The following CRIM1 variants were observed in gnomAD, a reference collection of about 807,000 sequenced individuals.
The protein encoded by CRIM1 is cysteine-rich motor neuron 1 protein.
In CRIM1, 32 loss-of-function variants were observed where a neutral mutation model predicts 116.4. The ratio of observed to expected loss-of-function variants is 0.27; its 90% CI spans 0.21 to 0.37. The LOEUF is 0.37. CRIM1 is among the 10% of genes least tolerant of loss of function. CRIM1 has a pLI of 1.00. For synonymous variants in CRIM1, 590 were observed against 509.2 expected, an observed-to-expected ratio of 1.16 and a Z score of -2.13; for missense variants, 1,331 against 1,354.8, an observed-to-expected ratio of 0.98 and a Z score of 0.28.
In CRIM1 at chr2:36,517,389, G is replaced by A. The variant is rs765796816; in HGVS notation, c.2053G>A (p.Glu685Lys). 1 of 1,614,226 alleles carries A rather than the reference G, an allele frequency of 6.2e-7. No individual in the cohort carries two copies. Among genetic ancestry groups the A allele is most frequent in the Admixed American group, 1.7e-5 (1 of 60,030 alleles). The change falls in exon 12 of 17, where the codon GAA becomes AAA. Residue 685 changes from glutamate to lysine, a missense_variant. Coordinates refer to ENST00000280527, the MANE Select transcript of CRIM1 (RefSeq NM_016441.3). ...CTCCATTTGCCACGCCCCTGGAGGA[G>A]AATACTTTGTGGAAGGAGAAACGTG... ...TPSICHAPGG[E>K]YFVEGETWNI...
chr2:36,380,185 G>A (rs942813055), intron 1 of CRIM1, among the ~76,000 whole-genome samples: 2 of 152,206 alleles, frequency 1.3e-5, no homozygotes, highest in Non-Finnish European at 2.9e-5. Context: ...CAGAGTGCCA[G>A]GCCAGCTCTG....
chr2:36,534,513 AGGGATAGGGAAGGGAGGGAGAGG>A (rs1402085895), intron 13 of CRIM1, among the ~76,000 whole-genome samples: 1 of 113,882 alleles, frequency 8.8e-6, no homozygotes, highest in East Asian at 3.0e-4. Flanking sequence ...GGAGGGAGAG[AGGGATAGGGAAGGGAGGGAGAGG>A]AAGGAAGGGA....
chr2:36,533,425 CAA>C lies in CRIM1; in HGVS notation c.2429-3910_2429-3909del, dbSNP rs35978594. Among the ~76,000 whole-genome samples, 657 of 99,378 alleles carry C rather than the reference CAA, an allele frequency of 6.6e-3. 1 individual carries two copies. Among genetic ancestry groups the C allele is most frequent in the Middle Eastern group, 9.9e-3 (2 of 202 alleles). The allele number at this position is 99,378 out of a possible 152,430, so 65.2% of individuals were successfully genotyped here. On this transcript the variant is annotated intron_variant, in intron 13 of 16. Coordinates refer to ENST00000280527, the MANE Select transcript of CRIM1 (RefSeq NM_016441.3). ...CCAACACAATGAGACCCCATCTCCA[CAA>C]AAAAAAAAAAAAAAAACCCTAAAAA...
intron 1 of CRIM1, among the ~76,000 whole-genome samples, chr2:36,358,213 C>T (rs1444666087): frequency 2.0e-5 from 3 of 152,140 alleles, no homozygotes. Flanking sequence ...TATGCCTTAC[C>T]TCAAGAAAAA....
chr2:36,429,592 G>GA (rs1306499647), intron 2 of CRIM1, among the ~76,000 whole-genome samples: 1 of 152,216 alleles, frequency 6.6e-6, no homozygotes, highest in Non-Finnish European at 1.5e-5. Context: ...CCAGCACACA[G>GA]AAAGAGAGAA....
chr2:36,500,224 G>A (rs756925749), intron 8 of CRIM1, among the ~76,000 whole-genome samples: 28 of 152,226 alleles, frequency 1.8e-4, no homozygotes, highest in Middle Eastern at 3.4e-3. Context: ...CCAGCTACTC[G>A]GGAGGCTGAG....
intron 4 of CRIM1, among the ~76,000 whole-genome samples, chr2:36,444,179 T>C (rs1676072501): frequency 6.6e-6 from 1 of 152,158 alleles, no homozygotes; most frequent in African/African-American, 2.4e-5. Context: ...AATGGACAAT[T>C]CTCAGTTCAC....
chr2:36,460,289 C>T (rs1677479412), intron 4 of CRIM1, among the ~76,000 whole-genome samples: 1 of 152,120 alleles, frequency 6.6e-6, no homozygotes, highest in African/African-American at 2.4e-5. Flanking sequence ...AGCCCTTAGC[C>T]CACATATTGT....
At chr2:36,464,290 T>C (rs1677819319) in intron 4 of CRIM1, among the ~76,000 whole-genome samples, 1 of 152,226 alleles carries the variant, frequency 6.6e-6, no homozygotes, top group African/African-American at 2.4e-5. Flanking sequence ...TTTAGAAATA[T>C]TTCTGTCAAA....
chr2:36,487,749 G>A (rs1679937832), intron 7 of CRIM1, among the ~76,000 whole-genome samples: 1 of 152,020 alleles, frequency 6.6e-6, no homozygotes. Flanking sequence ...CTAAAAGTGA[G>A]TACTTTTATC....
At chr2:36,544,146 G>A (rs749600853) in intron 14 of CRIM1, among the ~76,000 whole-genome samples, 1 of 152,144 alleles carries the variant, frequency 6.6e-6, no homozygotes, top group Non-Finnish European at 1.5e-5. Context: ...TTTGACCCTG[G>A]TGGAGTAGAG....
At chr2:36,504,284 G>A (rs1468719390) in intron 8 of CRIM1, among the ~76,000 whole-genome samples, 1 of 152,132 alleles carries the variant, frequency 6.6e-6, no homozygotes, top group Non-Finnish European at 1.5e-5. Flanking sequence ...TTTGTTGAGT[G>A]CCTACTATAT....
intron 6 of CRIM1, among the ~76,000 whole-genome samples, chr2:36,477,757 C>A (rs1458447155): frequency 6.6e-6 from 1 of 152,182 alleles, no homozygotes; most frequent in Non-Finnish European, 1.5e-5. Flanking sequence ...TGTTCATAAA[C>A]AATAAGCATT....
intron 5 of CRIM1, among the ~76,000 whole-genome samples, chr2:36,473,605 T>C (rs2125031717): frequency 6.6e-6 from 1 of 152,270 alleles, no homozygotes; most frequent in South Asian, 2.1e-4. Context: ...TTCATATAAG[T>C]AGAGTTATAT....
At chr2:36,439,847 T>G (rs760168014) in intron 2 of CRIM1, among the ~76,000 whole-genome samples, 11 of 152,316 alleles carry the variant, frequency 7.2e-5, no homozygotes, top group East Asian at 1.9e-4. Flanking sequence ...TTGTTACTTA[T>G]GTTCTGTCAT....
chr2:36,401,623 G>A (rs1317166343), intron 2 of CRIM1, among the ~76,000 whole-genome samples: 1 of 152,192 alleles, frequency 6.6e-6, no homozygotes, highest in Admixed American at 6.5e-5. Context: ...GTGGTCATAA[G>A]TAATGTCAAT....
At chr2:36,449,421 G>T (rs1175680581) in intron 4 of CRIM1, among the ~76,000 whole-genome samples, 1 of 152,170 alleles carries the variant, frequency 6.6e-6, no homozygotes, top group Non-Finnish European at 1.5e-5. Context: ...CATGCACTTT[G>T]TTATTGTCTG....
chr2:36,485,667 G>A (rs1162337674), intron 7 of CRIM1, among the ~76,000 whole-genome samples: 3 of 152,108 alleles, frequency 2.0e-5, no homozygotes, highest in East Asian at 1.9e-4. Context: ...TTTGTGGCAC[G>A]GAGTCAAACA....
chr2:36,430,366 C>T (rs1008407110), intron 2 of CRIM1, among the ~76,000 whole-genome samples: 5 of 152,118 alleles, frequency 3.3e-5, no homozygotes, highest in Non-Finnish European at 5.9e-5. Flanking sequence ...TGTTGAAATG[C>T]CTTTTCTATT....
Sources: allele counts gnomAD v4.1 joint callset (sites outside exome capture counted in the v4.1 genomes callset), GRCh38; gene constraint gnomAD v4.1.1; transcripts MANE v1.5; gene names NCBI Gene and HGNC (gene_info 2026-07-23, HGNC 2026-07-21).